The following DNAH14 variants were observed in gnomAD, a reference collection of about 807,000 sequenced individuals.
DNAH14 encodes dynein axonemal heavy chain 14.
DNAH14 carries 478 observed loss-of-function variants against 520.9 expected under a neutral mutation model. That is an observed-to-expected ratio of 0.92 (90% CI 0.85 to 0.99). DNAH14 has a LOEUF of 0.99. Ranked by LOEUF, DNAH14 falls within the 50% of genes least tolerant of loss-of-function variation. DNAH14 has a pLI of 0.00. For missense variants in DNAH14, 4,831 were observed against 5,234.5 expected (o/e 0.92, Z 2.38); for synonymous variants, 1,581 against 1,757.2 (o/e 0.90, Z 2.51).
chr1:225,390,193 G>A (rs1464370602), intron 83 of DNAH14, among the ~76,000 whole-genome samples: 8 of 152,152 alleles, frequency 5.3e-5, no homozygotes, highest in South Asian at 2.1e-4. Context: ...TCCAAAGGCC[G>A]TGACAAAGGG....
chr1:225,346,653 T>A lies in DNAH14; in HGVS notation c.11295T>A (p.Thr3765=). 1 of 1,534,042 alleles carries A rather than the reference T, an allele frequency of 6.5e-7. No homozygotes were observed. Among genetic ancestry groups the A allele is most frequent in the Non-Finnish European group, 8.8e-7 (1 of 1,137,996 alleles). The change falls in exon 71 of 86, where the codon ACT becomes ACA. Residue 3765 remains threonine (T), a splice_region_variant and synonymous_variant. Coordinates refer to ENST00000682510, the MANE Select transcript of DNAH14 (RefSeq NM_001367479.1). The part of the protein sequence containing the change: ...IKSALSQSRL[T]STFEIGESQH... ...GTGCATTATCCCAGTCTAGACTTAC[T>A]AGTAAGTAAAAGTTACTATTCCGGA...
chr1:225,352,206 GT>G (rs2095374634), intron 72 of DNAH14, among the ~76,000 whole-genome samples: 2 of 152,066 alleles, frequency 1.3e-5, no homozygotes, highest in Non-Finnish European at 2.9e-5. Flanking sequence ...ACAAATGTGT[GT>G]TTTTAAAATT....
intron 41 of DNAH14, among the ~76,000 whole-genome samples, chr1:225,212,941 T>C (rs184521765): frequency 6.2e-4 from 94 of 152,310 alleles, no homozygotes; most frequent in African/African-American, 2.2e-3. Context: ...TTTTGGCTTT[T>C]GTTGCCATTA....
chr1:225,002,838 G>T lies in DNAH14; in HGVS notation c.886G>T (p.Val296Phe). Residue 296 changes from valine (V) to phenylalanine (F), a missense_variant, in exon 9 of 86, where the codon GTT becomes TTT. Coordinates refer to ENST00000682510, the MANE Select transcript of DNAH14 (RefSeq NM_001367479.1). ...LADDLFQTCL[V>F]YIRGLCEDAI... ...TGATGACTTGTTTCAAACCTGTTTG[G>T]TTTATATAAGAGGACTTTGTGAAGA... is the stretch of plus-strand genomic sequence containing the variant. The T allele has an allele frequency of 6.5e-7, 1 of 1,549,072 alleles. No homozygotes were observed. Among genetic ancestry groups the T allele is most frequent in the Non-Finnish European group, 8.7e-7 (1 of 1,145,712 alleles).
At chr1:225,131,151 AAGT>A (rs1286367973) in intron 27 of DNAH14, among the ~76,000 whole-genome samples, 1 of 152,186 alleles carries the variant, frequency 6.6e-6, no homozygotes, top group African/African-American at 2.4e-5. Flanking sequence ...TTTTGAATGA[AAGT>A]AGAACTATTT....
At chr1:225,017,364 T>C (rs1409535521) in intron 10 of DNAH14, among the ~76,000 whole-genome samples, 1 of 152,224 alleles carries the variant, frequency 6.6e-6, no homozygotes, top group Admixed American at 6.5e-5. Flanking sequence ...TATATATTAA[T>C]CAGGCTAATA....
intron 78 of DNAH14, among the ~76,000 whole-genome samples, chr1:225,375,866 C>G (rs2095691844): frequency 6.6e-6 from 1 of 151,878 alleles, no homozygotes; most frequent in South Asian, 2.1e-4. Context: ...GCAGGTGGAC[C>G]ACTTGAAGCC....
intron 23 of DNAH14, among the ~76,000 whole-genome samples, chr1:225,104,510 G>T (rs62102160): frequency 6.6e-6 from 1 of 151,984 alleles, no homozygotes; most frequent in African/African-American, 2.4e-5. Context: ...GAATCCATCT[G>T]GTCCTGGACT....
chr1:225,318,468 A>T, intron 60 of DNAH14, 115 bp from the exon 61 acceptor site: 1 of 918,108 alleles, frequency 1.1e-6, no homozygotes, highest in Non-Finnish European at 1.6e-6. Flanking sequence ...AAGATGCATA[A>T]CTTATGGGCA....
intron 10 of DNAH14, among the ~76,000 whole-genome samples, chr1:225,014,734 A>G (rs75044318): frequency 0.053 from 8,011 of 152,288 alleles, 319 homozygotes; most frequent in Non-Finnish European, 0.077. Flanking sequence ...ATCATGGAGA[A>G]TGTTCCATGT....
intron 41 of DNAH14, among the ~76,000 whole-genome samples, chr1:225,221,881 G>T (rs1321605452): frequency 6.6e-6 from 1 of 152,190 alleles, no homozygotes; most frequent in East Asian, 1.9e-4. Flanking sequence ...TTGCACACAG[G>T]ACTGCTCTCA....
chr1:225,041,794 AGAGT>A (rs772427693), intron 12 of DNAH14, among the ~76,000 whole-genome samples: 12 of 152,330 alleles, frequency 7.9e-5, no homozygotes, highest in Non-Finnish European at 1.5e-4. Flanking sequence ...CAGTATTCCC[AGAGT>A]TAGTTAGAGG....
At chr1:225,229,578 C>A (rs1447710329) in intron 41 of DNAH14, among the ~76,000 whole-genome samples, 1 of 152,140 alleles carries the variant, frequency 6.6e-6, no homozygotes, top group Non-Finnish European at 1.5e-5. Context: ...CCATGGAATA[C>A]TATGCAGCCA....
intron 76 of DNAH14, among the ~76,000 whole-genome samples, chr1:225,365,529 A>G (rs952445474): frequency 6.6e-6 from 1 of 152,184 alleles, no homozygotes; most frequent in Non-Finnish European, 1.5e-5. Flanking sequence ...TTCCAGATAC[A>G]GCCCCAATCC....
chr1:225,214,890 T>C (rs1265655873), intron 41 of DNAH14, among the ~76,000 whole-genome samples: 1 of 152,206 alleles, frequency 6.6e-6, no homozygotes, highest in Non-Finnish European at 1.5e-5. Context: ...TGAAGGGTTT[T>C]TTGTGTCTCT....
intron 43 of DNAH14, among the ~76,000 whole-genome samples, chr1:225,248,147 C>T (rs1016490151): frequency 2.6e-5 from 4 of 152,060 alleles, no homozygotes; most frequent in Admixed American, 6.5e-5. Flanking sequence ...TTTAAGATAA[C>T]ACCAAAATAA....
chr1:225,324,926 T>A, intron 64 of DNAH14, 94 bp downstream of exon 64: 1 of 825,444 alleles, frequency 1.2e-6, no homozygotes, highest in Non-Finnish European at 1.8e-6. Flanking sequence ...AAGATGGAAA[T>A]AATAATATAG....
intron 54 of DNAH14, among the ~76,000 whole-genome samples, chr1:225,284,250 G>A (rs988464105): frequency 2.0e-5 from 3 of 151,782 alleles, no homozygotes; most frequent in Admixed American, 6.6e-5. Flanking sequence ...CAAGTTCTTT[G>A]CTAGACTGAC....
chr1:225,342,912 G>A (rs993654602), intron 69 of DNAH14, among the ~76,000 whole-genome samples: 2 of 151,098 alleles, frequency 1.3e-5, no homozygotes, highest in Non-Finnish European at 2.9e-5. Context: ...GCTCACAGGT[G>A]CTACTAGGTG....
Sources: gnomAD v4.1 joint callset for allele counts (sites outside exome capture counted in the v4.1 genomes callset) on GRCh38, gnomAD v4.1.1 for gene constraint, MANE v1.5 for transcripts, NCBI Gene and HGNC (gene_info 2026-07-23, HGNC 2026-07-21) for gene names.